MYLK3: variants seen among roughly 807,000 people sequenced by gnomAD.
The protein encoded by MYLK3 is MLC kinase.
Under a neutral mutation model 76.3 loss-of-function variants are expected in MYLK3, and 55 were observed. The ratio of observed to expected loss-of-function variants is 0.72; its 90% CI spans 0.58 to 0.90. The LOEUF is 0.90. MYLK3 is among the 40% of genes least tolerant of loss of function. The probability of loss-of-function intolerance (pLI) is 0.00; values close to 1 mark genes in which losing one functional copy is unlikely to be tolerated. For synonymous variants in MYLK3, 416 were observed against 425.4 expected (o/e 0.98, Z 0.27); for missense variants, 973 against 1,053.6 (o/e 0.92, Z 1.06).
In MYLK3 at chr16:46,710,626, ATGAAAGGTACCTCTTCTCTT is replaced by A; in HGVS notation, c.2258_2267+10del. 1 of 1,613,996 alleles carries A rather than the reference ATGAAAGGTACCTCTTCTCTT, an allele frequency of 6.2e-7. No individual in the cohort carries two copies. Among genetic ancestry groups the A allele is most frequent in the Non-Finnish European group, 8.5e-7 (1 of 1,180,006 alleles). The stretch of plus-strand genomic sequence containing the variant: ...CAGAAGGGCCCATGAGTGACAAGCA[ATGAAAGGTACCTCTTCTCTT>A]TGACCAGCAACCGGGAAACAAAGTC... On this transcript the variant is annotated splice_donor_variant and splice_donor_5th_base_variant and coding_sequence_variant and intron_variant, in exon 11 of 13. Transcript: ENST00000394809. LOFTEE classifies it high-confidence loss of function.
At chr16:46,745,800 A>G (rs944316270) in intron 1 of MYLK3, among the ~76,000 whole-genome samples, 10 of 152,168 alleles carry the variant, frequency 6.6e-5, no homozygotes, top group Admixed American at 6.5e-5. Context: ...GAAAAACAAA[A>G]CAAAACAAAA....
At chr16:46,759,171 C>G (rs1381214798) in intron 1 of MYLK3, among the ~76,000 whole-genome samples, 1 of 152,252 alleles carries the variant, frequency 6.6e-6, no homozygotes, top group Non-Finnish European at 1.5e-5. Flanking sequence ...TTACTGCCTT[C>G]TGTGTGCAGT....
chr16:46,730,256 C>A (rs980313525), intron 5 of MYLK3, among the ~76,000 whole-genome samples: 12 of 152,106 alleles, frequency 7.9e-5, no homozygotes, highest in Admixed American at 7.2e-4. Flanking sequence ...ACCACCTGGG[C>A]TATCCACCCT....
At chr16:46,720,912 T>C (rs1966792612) in intron 9 of MYLK3, among the ~76,000 whole-genome samples, 1 of 151,926 alleles carries the variant, frequency 6.6e-6, no homozygotes, top group Non-Finnish European at 1.5e-5. Context: ...CATAGCCTTT[T>C]AGGAAGAAGC....
At chr16:46,742,447 AACACACACAC>A (rs57671045) in intron 1 of MYLK3, among the ~76,000 whole-genome samples, 712 of 131,188 alleles carry the variant, frequency 5.4e-3, no homozygotes, top group Admixed American at 0.011. Flanking sequence ...TCCCAGCAAA[AACACACACAC>A]ACACACACAC....
chr16:46,742,261 A>G (rs1050381800), intron 1 of MYLK3, among the ~76,000 whole-genome samples: 1 of 152,018 alleles, frequency 6.6e-6, no homozygotes, highest in African/African-American at 2.4e-5. Flanking sequence ...GCTTTTCTTT[A>G]AAAATCTGAG....
chr16:46,736,622 C>T (rs1163388577), intron 3 of MYLK3, among the ~76,000 whole-genome samples: 6 of 152,156 alleles, frequency 3.9e-5, no homozygotes, highest in Non-Finnish European at 5.9e-5. Flanking sequence ...TTCCTCCATC[C>T]TGCGAGGCCT....
At chr16:46,751,320 T>A (rs1967121604), upstream of MYLK3, among the ~76,000 whole-genome samples, 1 of 151,690 alleles carries the variant, frequency 6.6e-6, no homozygotes, top group African/African-American at 2.4e-5. Context: ...CTGAGGAGAA[T>A]CACTTGAACC....
At chr16:46,730,297 C>T (rs1966849951) in intron 5 of MYLK3, among the ~76,000 whole-genome samples, 1 of 152,204 alleles carries the variant, frequency 6.6e-6, no homozygotes, top group Admixed American at 6.5e-5. Flanking sequence ...CACCTCATGT[C>T]GGCTTTCCGG....
Position 46,729,071 on chromosome 16 carries a change from G to C in MYLK3, c.1725C>G (p.Leu575=), listed in dbSNP as rs771788858. 9.3e-6 allele frequency: 15 copies of C among 1,614,070 alleles called. No individual in the cohort carries two copies. The highest frequency in any genetic ancestry group is 1.3e-5 in the African/African-American group (1 of 74,950). Residue 575 remains leucine, a synonymous_variant, in exon 7 of 13, where the codon CTC becomes CTG. Transcript: ENST00000394809. ...NQLSHVNLIQ[L]YDAFESKHSC... The stretch of plus-strand genomic sequence containing the variant: ...TGTGCTTGCTCTCGAAGGCGTCATA[G>C]AGCTGGATCAGGTTCACGTGGCTGA...
At chr16:46,758,887 G>A (rs1332400339) in intron 1 of MYLK3, among the ~76,000 whole-genome samples, 2 of 152,172 alleles carry the variant, frequency 1.3e-5, no homozygotes, top group African/African-American at 2.4e-5. Context: ...GGAGAGGGCC[G>A]AGGGGCAGGG....
At chr16:46,718,394 T>C (rs1417227003) in intron 9 of MYLK3, among the ~76,000 whole-genome samples, 1 of 152,118 alleles carries the variant, frequency 6.6e-6, no homozygotes, top group Non-Finnish European at 1.5e-5. Flanking sequence ...TGGGATGATG[T>C]GAAATTCCTC....
intron 8 of MYLK3, chr16:46,726,729 G>GAA (rs574696509): frequency 3.0e-5 from 4 of 131,282 alleles, no homozygotes; most frequent in Non-Finnish European, 6.5e-5. Flanking sequence ...AAGAAAGAAA[G>GAA]AAAGAAAAGA....
chr16:46,748,426 G>A (rs943060574), upstream of MYLK3: 4 of 708,392 alleles, frequency 5.6e-6, no homozygotes, highest in African/African-American at 1.8e-5. This position sits in a 1 kb window ranked among gnomAD's most constrained non-coding sequence, Gnocchi z 4.3. Flanking sequence ...GTGACAGGCC[G>A]AGGTCAGCCC....
At chr16:46,741,416 A>G (rs1478795373) in intron 1 of MYLK3, among the ~76,000 whole-genome samples, 1 of 152,226 alleles carries the variant, frequency 6.6e-6, no homozygotes, top group Non-Finnish European at 1.5e-5. Context: ...AACAGCCCAG[A>G]GCCATCAGTA....
chr16:46,762,010 T>C (rs925396796), intron 1 of MYLK3, among the ~76,000 whole-genome samples: 3 of 151,780 alleles, frequency 2.0e-5, no homozygotes, highest in Admixed American at 1.3e-4. Context: ...CTGGGAAGCA[T>C]GTTGTTGCCA....
At chr16:46,724,244 C>A (rs951763437) in intron 8 of MYLK3, among the ~76,000 whole-genome samples, 1 of 152,108 alleles carries the variant, frequency 6.6e-6, no homozygotes, top group African/African-American at 2.4e-5. Flanking sequence ...TTCTCCCATT[C>A]TGTGAGCTAT....
intron 8 of MYLK3, among the ~76,000 whole-genome samples, chr16:46,721,565 G>T (rs773755587): frequency 6.6e-6 from 1 of 152,096 alleles, no homozygotes; most frequent in Non-Finnish European, 1.5e-5. Context: ...ATGGGGTCTC[G>T]CCATGTTGCC....
chr16:46,752,385 C>G (rs1967137643), upstream of MYLK3, among the ~76,000 whole-genome samples: 1 of 152,154 alleles, frequency 6.6e-6, no homozygotes, highest in South Asian at 2.1e-4. Context: ...CAGGTGCATG[C>G]CCCCACACCC....
Sources: gnomAD v4.1 joint callset for allele counts (sites outside exome capture counted in the v4.1 genomes callset) on GRCh38, gnomAD v4.1.1 for gene constraint, Gnocchi (gnomAD v3.1) non-coding constraint, MANE v1.5 for transcripts, NCBI Gene and HGNC (gene_info 2026-07-23, HGNC 2026-07-21) for gene names.